FAT3: variants seen among roughly 807,000 people sequenced by gnomAD.
FAT3 encodes the protein FAT atypical cadherin 3.
Under a neutral mutation model 310.2 loss-of-function variants are expected in FAT3, and 95 were observed. That is an observed-to-expected ratio of 0.31 (90% confidence interval 0.26 to 0.36). The LOEUF (loss-of-function observed/expected upper bound fraction) is 0.36, where lower values mean the gene tolerates loss of function less well. Among genes scored for constraint, FAT3 ranks in the 10% least tolerant of loss-of-function variants. FAT3 has a pLI of 1.00. For synonymous variants in FAT3, 2,314 were observed against 2,192.9 expected, an observed-to-expected ratio of 1.06 and a Z score of -1.54; for missense variants, 5,408 against 5,715.6, an observed-to-expected ratio of 0.95 and a Z score of 1.74.
chr11:92,834,826 G>GT (rs1565634627), intron 14 of FAT3, 44 bp from the exon 15 acceptor site: 1 of 1,485,684 alleles, frequency 6.7e-7, no homozygotes, highest in Non-Finnish European at 9.2e-7. Flanking sequence ...GCTGACCAGT[G>GT]TTTTTTCCTA....
Position 92,700,079 on chromosome 11 carries a change from T to C in FAT3, c.3669+2634T>C, listed in dbSNP as rs185502344. ...GGGGAAGCACATGGAAATGAATAAATGCTGTAACTTCAGAAAGAAGCTCTC... is the reference window on the plus strand; with the variant it reads ...GGGGAAGCACATGGAAATGAATAAACGCTGTAACTTCAGAAAGAAGCTCTC... On this transcript the variant is annotated intron_variant, in intron 4 of 27. Coordinates refer to ENST00000525166, the MANE Select transcript of FAT3 (RefSeq NM_001367949.2). Among the ~76,000 whole-genome samples, 716 of 152,218 alleles carry C rather than the reference T, an allele frequency of 4.7e-3. 7 individuals carry two copies. Among genetic ancestry groups the C allele is most frequent in the Non-Finnish European group, 7.5e-3 (510 of 68,014 alleles).
rs374892281 is a variant in FAT3 at position 92,586,934 on chromosome 11, G to T, written c.3607+61986G>T. On this transcript the variant is annotated intron_variant, in intron 3 of 27. Transcript: ENST00000525166. ...TAGAGTCCAGGTAATTAAGGGAAAG[G>T]TGCTTTTCTTGCCTTGTAGTAATTT... 2.0e-5 allele frequency among the ~76,000 whole-genome samples: 3 copies of T among 152,088 alleles called. No homozygotes were observed. The East Asian group carries it at 5.8e-4, about 29-fold the overall frequency.
chr11:92,540,461 A>T (rs1300414894), intron 3 of FAT3, among the ~76,000 whole-genome samples: 1 of 152,176 alleles, frequency 6.6e-6, no homozygotes, highest in Non-Finnish European at 1.5e-5. Flanking sequence ...GATTGTTGTA[A>T]AAAAGCTATT....
At chr11:92,329,551 G>A (rs954194361) in intron 1 of FAT3, among the ~76,000 whole-genome samples, 1 of 151,456 alleles carries the variant, frequency 6.6e-6, no homozygotes, top group African/African-American at 2.4e-5. Context: ...CCAGCCTCAG[G>A]TAGGCTGTTA....
Position 92,844,706 on chromosome 11 carries a change from A to T in FAT3, c.11339A>T (p.Tyr3780Phe). Reference sequence around the variant, plus strand: ...ATCAGCTTTGTGTGTCCGCGTTTCTACAGGAACGTGCGTTGCACCTGCAAT... The same window carrying T: ...ATCAGCTTTGTGTGTCCGCGTTTCTTCAGGAACGTGCGTTGCACCTGCAAT... The part of the protein sequence containing the change: ...ARISFVCPRF[Y>F]RNVRCTCNGG... Residue 3780 changes from tyrosine (Y) to phenylalanine (F), a missense_variant, in exon 19 of 28, where the codon TAC becomes TTC. Physicochemically the swap from Tyr to Phe is conservative, Grantham distance 22. Coordinates refer to ENST00000525166, the MANE Select transcript of FAT3 (RefSeq NM_001367949.2). 1 of 1,562,546 alleles carries T rather than the reference A, an allele frequency of 6.4e-7. No homozygotes were observed. The highest frequency in any genetic ancestry group is 8.7e-7 in the Non-Finnish European group (1 of 1,148,686).
chr11:92,851,186 C>T lies in FAT3; in HGVS notation c.11366-6028C>T, dbSNP rs141629481. ...ATTTCATATTTCGTATCACCTACTG[C>T]GGACTTACAAATCATGAATCTGATC... On this transcript the variant is annotated intron_variant, in intron 19 of 27. Transcript: ENST00000525166. Among the ~76,000 whole-genome samples the T allele has an allele frequency of 1.3e-4, 20 of 152,236 alleles. No homozygotes were observed. The East Asian group carries it at 2.9e-3, about 22-fold the overall frequency.
At chr11:92,335,707 G>T (rs1201433061) in intron 1 of FAT3, among the ~76,000 whole-genome samples, 2 of 152,102 alleles carry the variant, frequency 1.3e-5, no homozygotes, top group East Asian at 3.9e-4. Flanking sequence ...GCAGTTGTAG[G>T]TTAGTGGTTT....
intron 4 of FAT3, among the ~76,000 whole-genome samples, chr11:92,720,964 T>G (rs1057113369): frequency 1.1e-4 from 16 of 152,314 alleles, no homozygotes; most frequent in African/African-American, 3.4e-4. Flanking sequence ...TTATTTAAGT[T>G]CAGTGGTACA....
chr11:92,447,215 A>ATGTGTGCGTG (rs1951237843), intron 2 of FAT3, among the ~76,000 whole-genome samples: 2 of 122,908 alleles, frequency 1.6e-5, no homozygotes, highest in African/African-American at 6.0e-5. Context: ...GTGTATGTAT[A>ATGTGTGCGTG]TGTGTGCGTG....
chr11:92,561,656 C>T (rs1591451900), intron 3 of FAT3, among the ~76,000 whole-genome samples: 2 of 152,010 alleles, frequency 1.3e-5, no homozygotes, highest in African/African-American at 4.8e-5. Flanking sequence ...GACGGAGTCT[C>T]GCTCTGTCCC....
At chr11:92,732,895 G>T (rs895601325) in intron 4 of FAT3, among the ~76,000 whole-genome samples, 7 of 152,182 alleles carry the variant, frequency 4.6e-5, no homozygotes, top group African/African-American at 1.7e-4. Context: ...GAGCAGGTGT[G>T]CTTCACTTGG....
chr11:92,274,654 T>G (rs547042006), intron 1 of FAT3, among the ~76,000 whole-genome samples: 1 of 152,250 alleles, frequency 6.6e-6, no homozygotes, highest in South Asian at 2.1e-4. Context: ...ATTTTACATT[T>G]AGTTAAAAGC....
At chr11:92,709,129 T>C (rs1944445878) in intron 4 of FAT3, among the ~76,000 whole-genome samples, 1 of 152,240 alleles carries the variant, frequency 6.6e-6, no homozygotes, top group Non-Finnish European at 1.5e-5. Context: ...GCCAGCCATG[T>C]TCAGGCCTGT....
chr11:92,593,126 T>A (rs1041142952), intron 3 of FAT3, among the ~76,000 whole-genome samples: 2 of 152,200 alleles, frequency 1.3e-5, no homozygotes, highest in East Asian at 3.9e-4. Context: ...ATGTTGTATG[T>A]GTCGGAATTT....
At position 92,883,753 on chromosome 11, in the gene FAT3, A is replaced by G. The variant is rs1239438002; in HGVS notation, c.12937+360A>G. ...GAAGAAAGTATACTAGTTATTGTGT[A>G]TAAATTATAATAGTGTGTGTGTGTC... On this transcript the variant is annotated intron_variant, in intron 24 of 27. Coordinates refer to ENST00000525166, the MANE Select transcript of FAT3 (RefSeq NM_001367949.2). The surrounding 1 kb of genome is among the most constrained non-coding windows in gnomAD (Gnocchi z 4.2). Among the ~76,000 whole-genome samples the G allele has an allele frequency of 6.6e-6, 1 of 152,224 alleles. No homozygotes were observed. The highest frequency in any genetic ancestry group is 6.5e-5 in the Admixed American group (1 of 15,280).
chr11:92,596,389 G>A (rs1347474681), intron 3 of FAT3, among the ~76,000 whole-genome samples: 2 of 152,126 alleles, frequency 1.3e-5, no homozygotes, highest in Admixed American at 1.3e-4. Context: ...CTGATGGTTG[G>A]TACATTCAAG....
At chr11:92,315,477 G>GTATATA (rs1211737478) in intron 1 of FAT3, among the ~76,000 whole-genome samples, 22 of 81,602 alleles carry the variant, frequency 2.7e-4, no homozygotes, top group African/African-American at 9.4e-4. Flanking sequence ...GTGTGTGTGT[G>GTATATA]TGTATATATA....
At chr11:92,464,789 G>GT in intron 2 of FAT3, among the ~76,000 whole-genome samples, 1 of 152,326 alleles carries the variant, frequency 6.6e-6, no homozygotes, top group African/African-American at 2.4e-5. Flanking sequence ...CTTTTGGAAT[G>GT]TTTAAGTATT....
At chr11:92,493,715 T>C (rs1320412323) in intron 2 of FAT3, among the ~76,000 whole-genome samples, 2 of 152,118 alleles carry the variant, frequency 1.3e-5, no homozygotes, top group East Asian at 3.9e-4. Context: ...TCCTTTAGGA[T>C]GTGGCCTAGT....
Sources: gnomAD v4.1 joint callset for allele counts (sites outside exome capture counted in the v4.1 genomes callset) on GRCh38, gnomAD v4.1.1 for gene constraint, Gnocchi (gnomAD v3.1) non-coding constraint, MANE v1.5 for transcripts, NCBI Gene and HGNC (gene_info 2026-07-23, HGNC 2026-07-21) for gene names.